KIFBP: variants seen among roughly 807,000 people sequenced by gnomAD.
KIFBP encodes KIF-binding protein.
Under a neutral mutation model 58.9 loss-of-function variants are expected in KIFBP, and 46 were observed. The ratio of observed to expected loss-of-function variants is 0.78; its 90% confidence interval spans 0.62 to 1.00. KIFBP has a LOEUF of 1.00. Among genes scored for constraint, KIFBP ranks in the 50% least tolerant of loss-of-function variants. KIFBP has a pLI of 0.00. For missense variants in KIFBP, 651 were observed against 752.9 expected (o/e 0.86, Z 1.58); for synonymous variants, 241 against 283.4 (o/e 0.85, Z 1.50).
At chr10:69,011,078 A>C in intron 6 of KIFBP, 63 bp downstream of exon 6, 2 of 1,108,648 alleles carry the variant, frequency 1.8e-6, no homozygotes, top group Non-Finnish European at 2.8e-6. Flanking sequence ...AAAAACTCAT[A>C]GTGGGGATTG....
Position 68,989,132 on chromosome 10 carries a change from C to G in KIFBP, c.300C>G (p.His100Gln). ...RAVRLAVIEF[H>Q]LGVNHIDTEE... ...TGAGGCTGGCAGTCATCGAGTTCCA[C>G]CTCGGGGTGAACCACATCGACACGG... Residue 100 changes from histidine to glutamine, a missense_variant, in exon 1 of 7, where the codon CAC (histidine) becomes CAG (glutamine). By Grantham distance (24) the His-to-Gln change is conservative. Coordinates refer to ENST00000361983, the MANE Select transcript of KIFBP (RefSeq NM_015634.4). The G allele has an allele frequency of 6.2e-7, 1 of 1,612,020 alleles. No individual in the cohort carries two copies. Among genetic ancestry groups the G allele is most frequent in the Non-Finnish European group, 8.5e-7 (1 of 1,178,658 alleles).
At position 69,016,085 on chromosome 10, in the gene KIFBP, C is replaced by T; in HGVS notation, c.1535C>T (p.Ser512Leu). 1 of 1,614,044 alleles carries T rather than the reference C, an allele frequency of 6.2e-7. No individual in the cohort carries two copies. The highest frequency in any genetic ancestry group is 2.2e-5 in the East Asian group (1 of 44,884). ...AAAAAAATAAATAATCTTAATAAGT[C>T]AGCACTGAAGTACTACCAGCTCTTC... Reference protein sequence around the residue: ...IVKKINNLNKSALKYYQLFLD... With the variant: ...IVKKINNLNKLALKYYQLFLD... Residue 512 changes from serine (S) to leucine (L), a missense_variant, in exon 7 of 7, where the codon TCA (serine) becomes TTA (leucine). By Grantham distance (145) the Ser-to-Leu change is moderately radical. Transcript: ENST00000361983.
intron 5 of KIFBP, among the ~76,000 whole-genome samples, 154 bp from the exon 6 acceptor site, chr10:69,010,746 G>T (rs1224112011): frequency 2.0e-5 from 3 of 152,116 alleles, no homozygotes; most frequent in East Asian, 1.9e-4. Flanking sequence ...TAGGATTTGG[G>T]GGGGGATCTT....
At chr10:69,008,391 A>ATATAT (rs1554843385) in intron 4 of KIFBP, among the ~76,000 whole-genome samples, 4,609 of 71,234 alleles carry the variant, frequency 0.065, 193 homozygotes, top group Middle Eastern at 0.096. Context: ...AAAAAAAAAA[A>ATATAT]ATATATATAT....
Position 68,995,775 on chromosome 10 carries a change from T to C in KIFBP, c.427-4649T>C, listed in dbSNP as rs1261766499. Among the ~76,000 whole-genome samples, 3 of 152,248 alleles carry C rather than the reference T, an allele frequency of 2.0e-5. No individual in the cohort carries two copies. The East Asian group carries it at 5.8e-4, about 29-fold the overall frequency. On this transcript the variant is annotated intron_variant, in intron 1 of 6. Transcript: ENST00000361983. ...TTACTTTTCTCCTTACCTAGTTTGA[T>C]AGTGGCAAGGATATGATATGTGAAA...
intron 2 of KIFBP, among the ~76,000 whole-genome samples, chr10:69,002,624 G>A (rs919784465): frequency 1.3e-5 from 2 of 152,028 alleles, no homozygotes; most frequent in East Asian, 3.9e-4. Flanking sequence ...AGTGGCTCAC[G>A]CCTTTAATCC....
intron 6 of KIFBP, among the ~76,000 whole-genome samples, chr10:69,012,181 G>A (rs1368604161): frequency 6.6e-6 from 1 of 152,230 alleles, no homozygotes; most frequent in East Asian, 1.9e-4. Context: ...CTGCCGCTTC[G>A]TAGCTATGTC....
chr10:69,002,696 G>T (rs1243852850), intron 2 of KIFBP, among the ~76,000 whole-genome samples: 1 of 147,766 alleles, frequency 6.8e-6, no homozygotes, highest in Non-Finnish European at 1.5e-5. Flanking sequence ...GATCAGCCTG[G>T]GCCACATAGT....
chr10:68,991,988 T>TTTTTTA (rs758300375), intron 1 of KIFBP, among the ~76,000 whole-genome samples: 9 of 151,400 alleles, frequency 5.9e-5, no homozygotes, highest in Non-Finnish European at 1.0e-4. Flanking sequence ...TTTTTGCTTG[T>TTTTTTA]TTTTTATTTT....
chr10:69,006,257 AATGGT>A (rs1843535272), intron 4 of KIFBP, among the ~76,000 whole-genome samples: 1 of 152,202 alleles, frequency 6.6e-6, no homozygotes. Context: ...ATCTTTACGT[AATGGT>A]AATCTCATAA....
rs1191987238 is a variant in KIFBP, at chr10:69,016,267, T to C, written c.1717T>C (p.Leu573=). ...KKELENLATS[L]EHYKFIVDYC... ...AGAGCTGGAAAATTTGGCAACATCA[T>C]TGGAACATTACAAATTTATTGTTGA... Residue 573 remains leucine (L), a synonymous_variant, in exon 7 of 7, where the codon TTG becomes CTG. Coordinates refer to ENST00000361983, the MANE Select transcript of KIFBP (RefSeq NM_015634.4). 1.0e-5 allele frequency: 16 copies of C among 1,602,122 alleles called. No individual in the cohort carries two copies. The Admixed American group carries it at 1.9e-4, about 19-fold the overall frequency.
chr10:69,011,683 CTTTTTTTTTTTT>C (rs34786287), intron 6 of KIFBP, among the ~76,000 whole-genome samples: 444 of 42,548 alleles, frequency 0.01, 12 homozygotes, highest in Admixed American at 0.038. Context: ...TGTGCCTAAT[CTTTTTTTTTTTT>C]TTTTTTTTTT....
chr10:69,006,078 T>C (rs886804419), intron 4 of KIFBP, 163 bp downstream of exon 4: 5 of 623,244 alleles, frequency 8.0e-6, no homozygotes, highest in Non-Finnish European at 1.4e-5. Context: ...TACTAAAATT[T>C]TGTAGCTTTT....
intron 1 of KIFBP, among the ~76,000 whole-genome samples, chr10:68,992,096 C>T (rs530259768): frequency 2.0e-5 from 3 of 152,126 alleles, no homozygotes; most frequent in East Asian, 1.9e-4. Context: ...CTGGCTTAAG[C>T]GATCCTTCCA....
At chr10:69,001,118 TG>T (rs1307800998) in intron 2 of KIFBP, among the ~76,000 whole-genome samples, 1 of 152,014 alleles carries the variant, frequency 6.6e-6, no homozygotes, top group East Asian at 1.9e-4. Flanking sequence ...GGTTTTTCAA[TG>T]ATTTTTTTTT....
At chr10:68,998,521 G>T (rs1237863189) in intron 1 of KIFBP, among the ~76,000 whole-genome samples, 2 of 151,406 alleles carry the variant, frequency 1.3e-5, no homozygotes, top group East Asian at 1.9e-4. Flanking sequence ...TTGGTGAAAA[G>T]AAATTTGTAT....
rs778077029 is a variant in KIFBP at position 68,989,085 on chromosome 10, G to T, written c.253G>T (p.Gly85Trp). ...GLPAEVVEPE[G>W]PVAQRAVRLA... ...GCCGGCTGAGGTGGTGGAGCCCGAG[G>T]GGCCCGTCGCCCAGCGAGCGGTGAG... The change falls in exon 1 of 7, where the codon GGG (glycine) becomes TGG (tryptophan). Residue 85 changes from glycine (G) to tryptophan (W), a missense_variant. Physicochemically the swap from Gly to Trp is radical, Grantham distance 184. Transcript: ENST00000361983. The T allele has an allele frequency of 6.2e-7, 1 of 1,611,114 alleles. No individual in the cohort carries two copies. The highest frequency in any genetic ancestry group is 1.7e-5 in the Admixed American group (1 of 59,754).
chr10:68,994,455 A>G lies in KIFBP; in HGVS notation c.426+5197A>G, dbSNP rs566243358. On this transcript the variant is annotated intron_variant, in intron 1 of 6. Transcript: ENST00000361983. ...GGCTCTATATTATTTATCAAAAGAG[A>G]TTGATATTACATTAGATTATCAAGA... 1.2e-4 allele frequency among the ~76,000 whole-genome samples: 19 copies of G among 152,154 alleles called. No individual in the cohort carries two copies. The South Asian group carries it at 3.7e-3, about 30-fold the overall frequency.
At chr10:68,991,940 C>T (rs962965182) in intron 1 of KIFBP, among the ~76,000 whole-genome samples, 6 of 149,670 alleles carry the variant, frequency 4.0e-5, no homozygotes, top group African/African-American at 9.8e-5. Flanking sequence ...TTAGACTGTT[C>T]GTATGATGAT....
Sources: gnomAD v4.1 joint callset for allele counts (sites outside exome capture counted in the v4.1 genomes callset) on GRCh38, gnomAD v4.1.1 for gene constraint, MANE v1.5 for transcripts, NCBI Gene and HGNC (gene_info 2026-07-23, HGNC 2026-07-21) for gene names.